Variants in FHIT observed in about 807,000 individuals in gnomAD.
FHIT encodes fragile histidine triad diadenosine triphosphatase.
A neutral mutation model predicts 17.9 loss-of-function variants in FHIT; 19 were observed. The ratio of observed to expected loss-of-function variants is 1.06; its 90% CI spans 0.74 to 1.56. The LOEUF is 1.56. Among genes scored for constraint, FHIT ranks in the 40% most tolerant of loss-of-function variants. The pLI is 0.00. For synonymous variants in FHIT, 81 were observed against 69.7 expected (o/e 1.16, Z -0.81); for missense variants, 248 against 189.2 (o/e 1.31, Z -1.82).
chr3:59,908,843 C>CCTTTTTTTTTTT (rs1264578670), intron 8 of FHIT, among the ~76,000 whole-genome samples: 1 of 150,742 alleles, frequency 6.6e-6, no homozygotes. Flanking sequence ...AAGAACATTT[C>CCTTTTTTTTTTT]ATTTTTTAAT....
intron 1 of FHIT, among the ~76,000 whole-genome samples, chr3:61,204,939 G>C (rs1037601535): frequency 5.3e-5 from 8 of 151,342 alleles, no homozygotes; most frequent in Non-Finnish European, 8.8e-5. Context: ...TCATCATCTA[G>C]CATTAGGTAT....
chr3:61,239,024 C>T (rs558236159), intron 1 of FHIT, among the ~76,000 whole-genome samples: 2 of 152,124 alleles, frequency 1.3e-5, no homozygotes, highest in South Asian at 2.1e-4. Flanking sequence ...AGTGTATTAA[C>T]AGGTAACAAA....
intron 5 of FHIT, among the ~76,000 whole-genome samples, chr3:60,363,887 C>T (rs907107950): frequency 6.6e-6 from 1 of 152,254 alleles, no homozygotes; most frequent in East Asian, 1.9e-4. Flanking sequence ...CTAGCTTCCT[C>T]AAAGGACGGT....
intron 2 of FHIT, among the ~76,000 whole-genome samples, chr3:61,042,852 A>AT (rs1559934122): frequency 1.3e-5 from 2 of 152,118 alleles, no homozygotes; most frequent in East Asian, 3.9e-4. Flanking sequence ...AAAAAAAAAA[A>AT]ATTAAACACT....
chr3:60,542,244 G>T (rs1480457070), intron 4 of FHIT, among the ~76,000 whole-genome samples: 1 of 152,080 alleles, frequency 6.6e-6, no homozygotes, highest in African/African-American at 2.4e-5. Flanking sequence ...TTCCTCTAGT[G>T]CTGTAGAGCT....
intron 4 of FHIT, among the ~76,000 whole-genome samples, chr3:60,766,187 T>C (rs868969985): frequency 6.6e-6 from 1 of 152,338 alleles, no homozygotes; most frequent in Middle Eastern, 3.4e-3. Context: ...CCCTGACTAA[T>C]ATACTTGGAC....
At chr3:60,015,712 C>T (rs1193376966) in intron 5 of FHIT, among the ~76,000 whole-genome samples, 3 of 152,168 alleles carry the variant, frequency 2.0e-5, no homozygotes, top group Non-Finnish European at 4.4e-5. Flanking sequence ...CTATGTTAGG[C>T]TATGTTCACA....
intron 5 of FHIT, among the ~76,000 whole-genome samples, chr3:60,087,305 C>A (rs916143700): frequency 6.6e-6 from 1 of 152,124 alleles, no homozygotes; most frequent in Admixed American, 6.5e-5. Context: ...CTTTGAAATG[C>A]CTTAAGGGCC....
chr3:60,593,541 C>T (rs1414232506), intron 4 of FHIT, among the ~76,000 whole-genome samples: 5 of 152,114 alleles, frequency 3.3e-5, no homozygotes, highest in African/African-American at 9.7e-5. Flanking sequence ...CAACTTTCAA[C>T]TTTTGCTGCT....
At chr3:61,077,489 A>C (rs7612963) in intron 2 of FHIT, among the ~76,000 whole-genome samples, 45,554 of 151,204 alleles carry the variant, frequency 0.3, 9,135 homozygotes, top group African/African-American at 0.57. Context: ...AACAAACAAA[A>C]AAAAACAGCC....
intron 5 of FHIT, among the ~76,000 whole-genome samples, chr3:60,061,460 T>G (rs1702292221): frequency 1.3e-5 from 2 of 152,210 alleles, no homozygotes; most frequent in Admixed American, 1.3e-4. Flanking sequence ...TTATGCTCTT[T>G]CCCTCAAGAA....
In FHIT at chr3:60,113,754, C is replaced by T. The variant is rs187811449; in HGVS notation, c.104-99602G>A. Among the ~76,000 whole-genome samples, 253 of 151,018 alleles carry T rather than the reference C, an allele frequency of 1.7e-3. 1 individual carries two copies. Among genetic ancestry groups the T allele is most frequent in the Non-Finnish European group, 2.5e-3 (172 of 67,898 alleles). On this transcript the variant is annotated intron_variant, in intron 5 of 9. Transcript: ENST00000492590. ...CGGTGGCTCACACCTGTTATCCCAG[C>T]ACTTTGGGAGGCCGAGGCGAGCGGA...
At chr3:61,170,432 CAT>C (rs1298710619) in intron 2 of FHIT, among the ~76,000 whole-genome samples, 3 of 152,014 alleles carry the variant, frequency 2.0e-5, no homozygotes, top group African/African-American at 7.3e-5. Flanking sequence ...CAGAGGTAAA[CAT>C]GTGTCATGAG....
rs184055770 is a variant in FHIT, at chr3:59,748,182, T to C, written c.*1403A>G. On this transcript the variant is annotated 3_prime_UTR_variant, in exon 10 of 10. Coordinates refer to ENST00000492590, the MANE Select transcript of FHIT (RefSeq NM_002012.4). Reference sequence around the variant, plus strand: ...ATGCTTAACTTCTAATTACAGGTAGTACTTGTTTTTCTTTGAGGCTGAAAT... The same window carrying C: ...ATGCTTAACTTCTAATTACAGGTAGCACTTGTTTTTCTTTGAGGCTGAAAT... Among the ~76,000 whole-genome samples, 288 of 152,292 alleles carry C rather than the reference T, an allele frequency of 1.9e-3. 1 individual carries two copies. The highest frequency in any genetic ancestry group is 4.0e-3 in the Admixed American group (61 of 15,292).
Position 59,823,233 on chromosome 3 carries a change from C to T in FHIT, c.349-70912G>A, listed in dbSNP as rs7621737. On this transcript the variant is annotated intron_variant, in intron 8 of 9. Transcript: ENST00000492590. ...TTCAAAGTCAAGTAATGTGATGCCT[C>T]CAGATTTGTTCTTTTTGCTTAGTCT... Among the ~76,000 whole-genome samples, 328 of 152,206 alleles carry T rather than the reference C, an allele frequency of 2.2e-3. 2 individuals are homozygous for T. The highest frequency in any genetic ancestry group is 7.4e-3 in the African/African-American group (309 of 41,512).
At chr3:61,086,451 A>T (rs59240631) in intron 2 of FHIT, among the ~76,000 whole-genome samples, 4 of 152,112 alleles carry the variant, frequency 2.6e-5, no homozygotes, top group Non-Finnish European at 5.9e-5. Context: ...TCAGTCTGCT[A>T]TTGCTTTGTT....
chr3:60,476,183 G>A (rs189906873), intron 5 of FHIT, among the ~76,000 whole-genome samples: 4 of 152,282 alleles, frequency 2.6e-5, no homozygotes, highest in Admixed American at 1.3e-4. Context: ...ACGTACCTGA[G>A]CCTCAGTGTC....
chr3:60,469,535 T>C (rs774820682), intron 5 of FHIT, among the ~76,000 whole-genome samples: 3 of 152,206 alleles, frequency 2.0e-5, no homozygotes, highest in Non-Finnish European at 2.9e-5. Flanking sequence ...ATTTGTCTAA[T>C]ACAACTCTGA....
intron 3 of FHIT, among the ~76,000 whole-genome samples, chr3:61,014,807 A>AAAAAAATT (rs1553798839): frequency 6.9e-4 from 34 of 49,116 alleles, no homozygotes; most frequent in East Asian, 1.6e-3. Context: ...AAAAAAAAAA[A>AAAAAAATT]ATATATATAT....
Sources: gnomAD v4.1 joint callset for allele counts (sites outside exome capture counted in the v4.1 genomes callset) on GRCh38, gnomAD v4.1.1 for gene constraint, MANE v1.5 for transcripts, NCBI Gene and HGNC (gene_info 2026-07-23, HGNC 2026-07-21) for gene names.